Variants in DNAH7 observed in about 807,000 individuals in gnomAD.
DNAH7 encodes axonemal beta dynein heavy chain 7.
A neutral mutation model predicts 444.6 loss-of-function variants in DNAH7; 397 were observed. The observed-to-expected ratio is 0.89, with a 90% CI of 0.82 to 0.97. The LOEUF (loss-of-function observed/expected upper bound fraction) is 0.97, where lower values mean the gene tolerates loss of function less well. DNAH7 is among the 50% of genes least tolerant of loss of function. The pLI is 0.00. For synonymous variants in DNAH7, 1,636 were observed against 1,624.4 expected (o/e 1.01, Z -0.17); for missense variants, 4,902 against 4,800.8 (o/e 1.02, Z -0.62).
chr2:195,744,525 G>C (rs1339505403), intron 63 of DNAH7, among the ~76,000 whole-genome samples: 3 of 152,206 alleles, frequency 2.0e-5, no homozygotes, highest in African/African-American at 7.2e-5. Flanking sequence ...TGCATCCGGA[G>C]ATATGAGAAC....
chr2:195,964,708 T>C, intron 17 of DNAH7, among the ~76,000 whole-genome samples: 1 of 48,046 alleles, frequency 2.1e-5, no homozygotes, highest in East Asian at 1.0e-3. Flanking sequence ...CTACTAAAAA[T>C]ACAAAAAAAA....
Position 195,737,802 on chromosome 2 carries a change from A to T in DNAH7, c.*119T>A. ...TGCATTTGCTCATAAGTAAATTCATAATTATAACTTTAGTCAAATGTATTT... is the reference window on the plus strand; with the variant it reads ...TGCATTTGCTCATAAGTAAATTCATTATTATAACTTTAGTCAAATGTATTT... On this transcript the variant is annotated 3_prime_UTR_variant, in exon 65 of 65. Coordinates refer to ENST00000312428, the MANE Select transcript of DNAH7 (RefSeq NM_018897.3). 1 of 847,698 alleles carries T rather than the reference A, an allele frequency of 1.2e-6. No individual in the cohort carries two copies. Among genetic ancestry groups the T allele is most frequent in the Non-Finnish European group, 1.8e-6 (1 of 557,092 alleles). 52.5% of individuals were successfully genotyped at this position (847,698 alleles called of 1,614,324 possible). A position where few individuals can be genotyped will look rare whatever the true frequency, so the allele number is the denominator to read the frequency against.
At chr2:195,882,039 A>G in intron 35 of DNAH7, 47 bp from the exon 36 acceptor site, 1 of 1,511,532 alleles carries the variant, frequency 6.6e-7, no homozygotes. Context: ...AAATACTTTA[A>G]AAAGCTCTAT....
At chr2:195,998,794 T>C (rs150943593) in intron 12 of DNAH7, 58 of 258,696 alleles carry the variant, frequency 2.2e-4, no homozygotes, top group African/African-American at 4.2e-4. Flanking sequence ...GTATGAGGAA[T>C]AGATATCCAG....
chr2:195,817,761 T>C lies in DNAH7; in HGVS notation c.9360A>G (p.Ala3120=), dbSNP rs369440763. ...MQDQLLGIVV[A]QERPDLEEEK... ...CTTCTTCAAGGTCTGGCCTTTCTTG[T>C]GCCACCACAATTCCCAGAAGCTGAT... Residue 3120 remains alanine (A), a synonymous_variant, in exon 50 of 65, where the codon GCA becomes GCG. Coordinates refer to ENST00000312428, the MANE Select transcript of DNAH7 (RefSeq NM_018897.3). The C allele has an allele frequency of 3.1e-6, 5 of 1,613,308 alleles. No individual in the cohort carries two copies. In the African/African-American group the frequency reaches 6.7e-5, roughly 22 times the overall value.
chr2:195,808,334 C>T (rs1696803963), intron 53 of DNAH7, among the ~76,000 whole-genome samples: 1 of 152,140 alleles, frequency 6.6e-6, no homozygotes, highest in Non-Finnish European at 1.5e-5. Flanking sequence ...AGCTTGTATC[C>T]TGCATTCAGA....
At chr2:195,759,574 G>T (rs1404372770) in intron 61 of DNAH7, among the ~76,000 whole-genome samples, 1 of 152,004 alleles carries the variant, frequency 6.6e-6, no homozygotes, top group African/African-American at 2.4e-5. Flanking sequence ...CTACAGTGGG[G>T]TATGCACCAA....
At position 195,910,801 on chromosome 2, in the gene DNAH7, C is replaced by T. The variant is rs1166609631; in HGVS notation, c.3936-606G>A. On this transcript the variant is annotated intron_variant, in intron 24 of 64. Coordinates refer to ENST00000312428, the MANE Select transcript of DNAH7 (RefSeq NM_018897.3). Reference sequence around the variant, plus strand: ...AAACTAAAATCACTCCAGCAACCTACTGGAGAGAGACAAAGAAGAGTCAAT... The same window carrying T: ...AAACTAAAATCACTCCAGCAACCTATTGGAGAGAGACAAAGAAGAGTCAAT... 7.2e-5 allele frequency among the ~76,000 whole-genome samples: 11 copies of T among 152,114 alleles called. No homozygotes were observed. The East Asian group carries it at 2.1e-3, about 29-fold the overall frequency.
chr2:195,961,862 A>G (rs1057157809), intron 17 of DNAH7, among the ~76,000 whole-genome samples: 4 of 152,148 alleles, frequency 2.6e-5, no homozygotes, highest in African/African-American at 7.2e-5. Flanking sequence ...AATCCAGCTC[A>G]GGAGAAAATA....
At chr2:195,960,031 G>A (rs562684719) in intron 18 of DNAH7, among the ~76,000 whole-genome samples, 2 of 152,240 alleles carry the variant, frequency 1.3e-5, no homozygotes, top group South Asian at 2.1e-4. Context: ...CAAAGGATGA[G>A]CAATCGTCCA....
intron 17 of DNAH7, among the ~76,000 whole-genome samples, chr2:195,969,739 GA>G (rs796358506): frequency 7.9e-5 from 12 of 151,962 alleles, no homozygotes; most frequent in African/African-American, 2.9e-4. Context: ...TTTAACATAG[GA>G]AAAAAATGTA....
At chr2:195,994,528 A>T (rs1693565999) in intron 12 of DNAH7, 1 of 487,358 alleles carries the variant, frequency 2.1e-6, no homozygotes, top group Non-Finnish European at 4.0e-6. Flanking sequence ...TTGGGTTTAG[A>T]GATATTCCCA....
chr2:195,881,434 T>C (rs935251407), intron 36 of DNAH7, among the ~76,000 whole-genome samples: 23 of 152,178 alleles, frequency 1.5e-4, no homozygotes, highest in African/African-American at 5.6e-4. Context: ...TACATAATAA[T>C]CCTTCAGATA....
At chr2:195,943,815 A>G (rs1689624653) in intron 19 of DNAH7, among the ~76,000 whole-genome samples, 1 of 152,120 alleles carries the variant, frequency 6.6e-6, no homozygotes, top group South Asian at 2.1e-4. Flanking sequence ...TGATTATTCT[A>G]TTTCATAGCT....
intron 48 of DNAH7, among the ~76,000 whole-genome samples, chr2:195,831,297 G>C (rs1698058551): frequency 6.6e-6 from 1 of 152,136 alleles, no homozygotes; most frequent in Non-Finnish European, 1.5e-5. Flanking sequence ...TCTTTTCAAA[G>C]AGGATCTTAT....
At chr2:195,976,747 C>CAGAGAGAGAGAGAGAGAGGGAGAG (rs1692217428) in intron 15 of DNAH7, among the ~76,000 whole-genome samples, 1 of 90,542 alleles carries the variant, frequency 1.1e-5, no homozygotes, top group South Asian at 5.5e-4. Context: ...GAGAGGCAGA[C>CAGAGAGAGAGAGAGAGAGGGAGAG]AGAGAGAGAG....
At position 195,957,287 on chromosome 2, in the gene DNAH7, T is replaced by G. The variant is rs1690735315; in HGVS notation, c.3052A>C (p.Arg1018=). 1 of 1,592,118 alleles carries G rather than the reference T, an allele frequency of 6.3e-7. No individual in the cohort carries two copies. The highest frequency in any genetic ancestry group is 1.3e-5 in the African/African-American group (1 of 74,670). The change falls in exon 19 of 65, where the codon AGA becomes CGA. Residue 1018 remains arginine (R), a synonymous_variant. Coordinates refer to ENST00000312428, the MANE Select transcript of DNAH7 (RefSeq NM_018897.3). ...TGCATGACACTTCTCATTATATCTC[T>G]CCATGTCTTATCCACAGCTGTAAAT... is the stretch of plus-strand genomic sequence containing the variant. ...RRFTAVDKTW[R]DIMRSVMQDK... is the part of the protein sequence containing the mutation.
chr2:195,886,296 A>C, intron 33 of DNAH7, 24 bp from the exon 34 acceptor site: 1 of 1,602,514 alleles, frequency 6.2e-7, no homozygotes, highest in Non-Finnish European at 8.5e-7. Flanking sequence ...AAGAAAAATG[A>C]CTAAACAATT....
At chr2:196,018,954 T>C (rs1465700881) in intron 9 of DNAH7, among the ~76,000 whole-genome samples, 1 of 152,122 alleles carries the variant, frequency 6.6e-6, no homozygotes, top group South Asian at 2.1e-4. Context: ...ATCTACTATG[T>C]ACTCAAAAAA....
Sources: allele counts gnomAD v4.1 joint callset (sites outside exome capture counted in the v4.1 genomes callset), GRCh38; gene constraint gnomAD v4.1.1; transcripts MANE v1.5; gene names NCBI Gene and HGNC (gene_info 2026-07-23, HGNC 2026-07-21).